Variants in SCAMP4 observed in about 807,000 individuals in gnomAD.
SCAMP4 encodes the protein secretory carrier membrane protein 4, also known as secretory carrier-associated membrane protein 4.
A neutral mutation model predicts 32.1 loss-of-function variants in SCAMP4; 19 were observed. That is an observed-to-expected ratio of 0.59 (90% CI 0.41 to 0.87). The LOEUF (loss-of-function observed/expected upper bound fraction) is 0.87, where lower values mean the gene tolerates loss of function less well. SCAMP4 is among the 40% of genes least tolerant of loss of function. SCAMP4 has a pLI of 0.00. For missense variants in SCAMP4, 302 were observed against 309.0 expected, an observed-to-expected ratio of 0.98 and a Z score of 0.17; for synonymous variants, 152 against 132.7, an observed-to-expected ratio of 1.15 and a Z score of -1.00.
chr19:1,915,393 G>A (rs892027871), intron 2 of SCAMP4: 89 of 322,060 alleles, frequency 2.8e-4, no homozygotes, highest in African/African-American at 1.8e-3. Flanking sequence ...CCTGAGGACA[G>A]GGCCTCTTGC....
intron 5 of SCAMP4, chr19:1,920,659 G>C: frequency 1.0e-6 from 1 of 985,518 alleles, no homozygotes; most frequent in Non-Finnish European, 1.2e-6. Flanking sequence ...GGCTGTGGCT[G>C]CAGGTCAAGG....
At chr19:1,912,027 CCAGCCGCCCG>C in intron 1 of SCAMP4, 4 of 1,417,882 alleles carry the variant, frequency 2.8e-6, no homozygotes, top group Non-Finnish European at 3.7e-6. Flanking sequence ...CGGCTCTCCC[CCAGCCGCCCG>C]CAGCCGCCGG....
At chr19:1,910,757 A>T (rs2013399932) in intron 1 of SCAMP4, among the ~76,000 whole-genome samples, 2 of 146,478 alleles carry the variant, frequency 1.4e-5, no homozygotes, top group African/African-American at 5.1e-5. Context: ...TTGTATTTTT[A>T]GTAGAGATGG....
rs895665996 is a variant in SCAMP4, at chr19:1,918,718, C to T, written c.294-171C>T. 17 of 1,049,072 alleles carry T rather than the reference C, an allele frequency of 1.6e-5. No homozygotes were observed. The East Asian group carries it at 3.3e-4, about 21-fold the overall frequency. 65.0% of individuals were successfully genotyped at this position (1,049,072 alleles called of 1,614,324 possible). The stretch of plus-strand genomic sequence containing the variant: ...CAGAGGTTGCAGTGAGCCGAGATCT[C>T]GACACTGCTCTCCAGCCTGGGCGAC... On this transcript the variant is annotated intron_variant, in intron 4 of 6. Transcript: ENST00000316097.
chr19:1,912,725 C>G (rs1323251137), intron 1 of SCAMP4: 4 of 1,523,428 alleles, frequency 2.6e-6, no homozygotes, highest in Non-Finnish European at 1.7e-6. Context: ...TGCTGGCCAC[C>G]GGCCACGACT....
rs757738047 is a variant in SCAMP4, at chr19:1,908,583, C to G, written c.-42+3144C>G. ...ATTTTAAGATCATCTGCGGCTTAGC[C>G]CCAGCACCATCTGAGGCAGTACTGT... is the stretch of plus-strand genomic sequence containing the variant. On this transcript the variant is annotated intron_variant, in intron 1 of 6. Transcript: ENST00000316097. The surrounding 1 kb of genome is among the most constrained non-coding windows in gnomAD (Gnocchi z 4.2). 24 of 470,976 alleles carry G rather than the reference C, an allele frequency of 5.1e-5. 1 individual carries two copies. The highest frequency in any genetic ancestry group is 7.7e-5 in the South Asian group (5 of 64,574). 29.2% of individuals were successfully genotyped at this position (470,976 alleles called of 1,614,324 possible).
intron 1 of SCAMP4, among the ~76,000 whole-genome samples, chr19:1,909,064 C>T (rs1187569699): frequency 6.6e-6 from 1 of 150,704 alleles, no homozygotes; most frequent in East Asian, 1.9e-4. Context: ...GAGATCATGC[C>T]ACTGCACTCC....
chr19:1,905,637 C>T (rs1263617581), intron 1 of SCAMP4, 198 bp downstream of exon 1: 1 of 158,690 alleles, frequency 6.3e-6, no homozygotes, highest in Non-Finnish European at 1.4e-5. Context: ...TGCGCGTGCG[C>T]GCGCGCGCGC....
At chr19:1,912,686 C>T (rs756095505) in intron 1 of SCAMP4, 25 of 1,463,206 alleles carry the variant, frequency 1.7e-5, no homozygotes, top group Non-Finnish European at 2.1e-5. Flanking sequence ...CCGTGGGGGC[C>T]GTGGTAGTGG....
intron 5 of SCAMP4, chr19:1,920,021 C>T: frequency 2.5e-6 from 1 of 402,776 alleles, no homozygotes; most frequent in Non-Finnish European, 3.4e-6. Flanking sequence ...ATGTGTTGGT[C>T]AGGCTGGTCT....
intron 1 of SCAMP4, chr19:1,906,375 AAG>A (rs1243861933): frequency 6.6e-6 from 1 of 152,082 alleles, no homozygotes; most frequent in Admixed American, 6.6e-5. Flanking sequence ...AAAAGAAAAA[AAG>A]ATTTTTTTTT....
intron 1 of SCAMP4, 99 bp from the exon 2 acceptor site, chr19:1,914,880 C>A: frequency 1.0e-6 from 1 of 974,288 alleles, no homozygotes; most frequent in Non-Finnish European, 1.6e-6. Flanking sequence ...TTCCAGAGCA[C>A]AGGGCACGAT....
intron 5 of SCAMP4, chr19:1,920,435 C>A: frequency 1.6e-6 from 1 of 608,986 alleles, no homozygotes; most frequent in Non-Finnish European, 2.1e-6. Flanking sequence ...GCAGGCCTCT[C>A]CCCTCCTGCA....
chr19:1,908,840 A>G lies in SCAMP4; in HGVS notation c.-42+3401A>G, dbSNP rs2013280755. 6.6e-6 allele frequency among the ~76,000 whole-genome samples: 1 copy of G among 152,068 alleles called. No homozygotes were observed. The highest frequency in any genetic ancestry group is 2.1e-4 in the South Asian group (1 of 4,826). ...CAATGTGGGCTGGGCACGGTGGCTC[A>G]CACCTGTAATCCCAGCACTTTGGGA... is the stretch of plus-strand genomic sequence containing the variant. On this transcript the variant is annotated intron_variant, in intron 1 of 6. Coordinates refer to ENST00000316097, the MANE Select transcript of SCAMP4 (RefSeq NM_079834.4). The surrounding 1 kb of genome is among the most constrained non-coding windows in gnomAD (Gnocchi z 4.2).
chr19:1,924,251 G>C lies in SCAMP4; in HGVS notation c.657G>C (p.Val219=). ...SGNSLPEYPT[V]PSYPGSGQWP ...ACAGCCTGCCCGAGTACCCCACTGTGCCCAGCTACCCGGGCAGTGGCCAGT... is the reference window on the plus strand; with the variant it reads ...ACAGCCTGCCCGAGTACCCCACTGTCCCCAGCTACCCGGGCAGTGGCCAGT... Residue 219 remains valine, a synonymous_variant, in exon 7 of 7, where the codon GTG becomes GTC. Transcript: ENST00000316097. The C allele has an allele frequency of 6.2e-7, 1 of 1,603,368 alleles. No homozygotes were observed. Among genetic ancestry groups the C allele is most frequent in the South Asian group, 1.1e-5 (1 of 89,520 alleles).
At chr19:1,922,487 G>A (rs539294963) in intron 5 of SCAMP4, 246 of 949,506 alleles carry the variant, frequency 2.6e-4, no homozygotes, top group Admixed American at 6.2e-4. Flanking sequence ...CGCCCGCCTC[G>A]GCCTCCCAAA....
intron 1 of SCAMP4, chr19:1,912,857 C>A (rs1160918120): frequency 3.1e-6 from 5 of 1,598,168 alleles, no homozygotes; most frequent in Non-Finnish European, 4.2e-6. Context: ...TCGCCCCGGC[C>A]GCTGCCCCCC....
Position 1,918,284 on chromosome 19 carries a change from G to C in SCAMP4, c.293+1G>C. On this transcript the variant is annotated splice_donor_variant, in intron 4 of 6. Transcript: ENST00000316097. LOFTEE classifies it high-confidence loss of function. Reference sequence around the variant, plus strand: ...TCCGGCCTGTCTACAAGGCCTTCCGGTGAGCAGAGCTGCCGGGGGCCGTCT... The same window carrying C: ...TCCGGCCTGTCTACAAGGCCTTCCGCTGAGCAGAGCTGCCGGGGGCCGTCT... 6.3e-7 allele frequency: 1 copy of C among 1,597,196 alleles called. No individual in the cohort carries two copies. Among genetic ancestry groups the C allele is most frequent in the Non-Finnish European group, 8.5e-7 (1 of 1,175,308 alleles).
chr19:1,913,435 A>C (rs1375597335), intron 1 of SCAMP4: 2 of 545,950 alleles, frequency 3.7e-6, no homozygotes, highest in Non-Finnish European at 6.7e-6. Context: ...GAAAATAAAC[A>C]GCCCAAAACC....
Sources: gnomAD v4.1 joint callset for allele counts (sites outside exome capture counted in the v4.1 genomes callset) on GRCh38, gnomAD v4.1.1 for gene constraint, Gnocchi (gnomAD v3.1) non-coding constraint, MANE v1.5 for transcripts, NCBI Gene and HGNC (gene_info 2026-07-23, HGNC 2026-07-21) for gene names.